TMEM132D: variants seen among roughly 807,000 people sequenced by gnomAD.
TMEM132D encodes the protein transmembrane protein 132D.
TMEM132D carries 21 observed loss-of-function variants against 62.3 expected under a neutral mutation model. The ratio of observed to expected loss-of-function variants is 0.34; its 90% CI spans 0.24 to 0.49. The LOEUF is 0.49. Among genes scored for constraint, TMEM132D ranks in the 20% least tolerant of loss-of-function variants. The probability of loss-of-function intolerance (pLI) is 0.99; values close to 1 mark genes in which losing one functional copy is unlikely to be tolerated. For synonymous variants in TMEM132D, 621 were observed against 575.6 expected, an observed-to-expected ratio of 1.08 and a Z score of -1.13; for missense variants, 1,346 against 1,402.8, an observed-to-expected ratio of 0.96 and a Z score of 0.65.
chr12:129,832,237 T>C (rs370831432), intron 1 of TMEM132D, among the ~76,000 whole-genome samples: 50 of 149,872 alleles, frequency 3.3e-4, no homozygotes, highest in African/African-American at 1.2e-3. Flanking sequence ...GGAAGAGATA[T>C]AGAATAACGG....
chr12:129,752,364 C>G (rs1870027709), intron 1 of TMEM132D, among the ~76,000 whole-genome samples: 1 of 152,146 alleles, frequency 6.6e-6, no homozygotes, highest in African/African-American at 2.4e-5. Context: ...CTATTCCTCT[C>G]TTTAACTCAG....
chr12:129,178,475 G>A lies in TMEM132D; in HGVS notation c.1443+31045C>T, dbSNP rs372239537. ...GTGACTTTTTAGTAATAGCCATTCT[G>A]ACTGATATGAGATGGTATCTCATTG... On this transcript the variant is annotated intron_variant, in intron 5 of 8. Coordinates refer to ENST00000422113, the MANE Select transcript of TMEM132D (RefSeq NM_133448.3). 2.8e-4 allele frequency among the ~76,000 whole-genome samples: 41 copies of A among 144,228 alleles called. 1 individual carries two copies. In the East Asian group the frequency reaches 7.9e-3, roughly 28 times the overall value. 94.6% of individuals were successfully genotyped at this position (144,228 alleles called of 152,430 possible).
At chr12:129,242,925 G>C (rs991338716) in intron 4 of TMEM132D, among the ~76,000 whole-genome samples, 1 of 90,734 alleles carries the variant, frequency 1.1e-5, no homozygotes, top group Non-Finnish European at 2.7e-5. Context: ...AGTCCAGTAA[G>C]AGAGGCAGTA....
At chr12:129,134,150 G>T (rs1876479102) in intron 5 of TMEM132D, among the ~76,000 whole-genome samples, 1 of 149,430 alleles carries the variant, frequency 6.7e-6, no homozygotes, top group African/African-American at 2.5e-5. Flanking sequence ...GTGTGTGTCT[G>T]TGTCTGTGTG....
intron 1 of TMEM132D, among the ~76,000 whole-genome samples, chr12:129,864,363 T>C (rs966886857): frequency 6.6e-5 from 10 of 152,306 alleles, no homozygotes; most frequent in Non-Finnish European, 1.5e-4. Context: ...TTCTCTCCTA[T>C]AGAAACAGCA....
At chr12:129,688,357 A>T (rs77952918) in intron 2 of TMEM132D, among the ~76,000 whole-genome samples, 3,336 of 152,250 alleles carry the variant, frequency 0.022, 172 homozygotes, top group South Asian at 0.12. Flanking sequence ...TGCACATAAG[A>T]ATCACTGCGA....
chr12:129,600,468 T>C (rs550947857), intron 2 of TMEM132D, among the ~76,000 whole-genome samples: 1 of 152,182 alleles, frequency 6.6e-6, no homozygotes, highest in Non-Finnish European at 1.5e-5. Context: ...GAATTGCCAA[T>C]GTTCTTCATG....
chr12:129,515,699 G>C (rs1875652751), intron 3 of TMEM132D, among the ~76,000 whole-genome samples: 1 of 152,076 alleles, frequency 6.6e-6, no homozygotes, highest in Non-Finnish European at 1.5e-5. Flanking sequence ...CTGAAGGCCA[G>C]GGGGAATCTA....
At chr12:129,565,794 T>C (rs1268819068) in intron 2 of TMEM132D, among the ~76,000 whole-genome samples, 1 of 152,228 alleles carries the variant, frequency 6.6e-6, no homozygotes, top group African/African-American at 2.4e-5. Flanking sequence ...GGTTTACTGA[T>C]TGGTCTCTTG....
intron 3 of TMEM132D, among the ~76,000 whole-genome samples, chr12:129,530,213 G>A (rs540623413): frequency 1.3e-5 from 2 of 152,246 alleles, no homozygotes; most frequent in East Asian, 3.9e-4. Context: ...TGAGCTCCCT[G>A]CTAGAATAAA....
At chr12:129,293,058 T>C (rs78995496) in intron 4 of TMEM132D, among the ~76,000 whole-genome samples, 19,411 of 152,168 alleles carry the variant, frequency 0.13, 1,478 homozygotes, top group South Asian at 0.22. Context: ...CCCAGGGATG[T>C]GGAGGGTATC....
chr12:129,527,017 A>G (rs996416472), intron 3 of TMEM132D, among the ~76,000 whole-genome samples: 3 of 152,208 alleles, frequency 2.0e-5, no homozygotes, highest in Admixed American at 2.0e-4. Flanking sequence ...TCAGAAAACA[A>G]TCTATTTAAG....
intron 5 of TMEM132D, among the ~76,000 whole-genome samples, chr12:129,173,376 C>A (rs1275945116): frequency 6.6e-6 from 1 of 152,168 alleles, no homozygotes; most frequent in African/African-American, 2.4e-5. Flanking sequence ...ATATTTCTTA[C>A]CTTGTACCTA....
intron 3 of TMEM132D, among the ~76,000 whole-genome samples, chr12:129,360,861 G>A (rs1870225586): frequency 6.6e-6 from 1 of 152,138 alleles, no homozygotes; most frequent in African/African-American, 2.4e-5. Flanking sequence ...CCCTGATGAC[G>A]AAGGTGGCTT....
At chr12:129,257,445 G>C (rs548701418) in intron 4 of TMEM132D, among the ~76,000 whole-genome samples, 1 of 152,184 alleles carries the variant, frequency 6.6e-6, no homozygotes, top group South Asian at 2.1e-4. Flanking sequence ...TCCTGACCTC[G>C]TGATCTGCCC....
chr12:129,653,236 GA>G (rs1879978248), intron 2 of TMEM132D, among the ~76,000 whole-genome samples: 1 of 152,110 alleles, frequency 6.6e-6, no homozygotes, highest in African/African-American at 2.4e-5. Context: ...ACAGGGAGGA[GA>G]ACGGCTCAAA....
At chr12:129,668,819 C>T (rs1210163350) in intron 2 of TMEM132D, among the ~76,000 whole-genome samples, 1 of 152,166 alleles carries the variant, frequency 6.6e-6, no homozygotes, top group East Asian at 1.9e-4. Context: ...TTTACCAAGG[C>T]TTTGACTGGA....
chr12:129,488,518 C>CA (rs1265749981), intron 3 of TMEM132D, among the ~76,000 whole-genome samples: 2 of 151,800 alleles, frequency 1.3e-5, no homozygotes, highest in Non-Finnish European at 1.5e-5. Flanking sequence ...ATTAAAAATA[C>CA]AAAAAAATAG....
At chr12:129,265,032 C>G (rs1366784130) in intron 4 of TMEM132D, among the ~76,000 whole-genome samples, 3 of 152,102 alleles carry the variant, frequency 2.0e-5, no homozygotes, top group African/African-American at 7.2e-5. Context: ...CTCATGTAAC[C>G]AAGGACCACC....
Sources: allele counts gnomAD v4.1 joint callset (sites outside exome capture counted in the v4.1 genomes callset), GRCh38; gene constraint gnomAD v4.1.1; transcripts MANE v1.5; gene names NCBI Gene and HGNC (gene_info 2026-07-23, HGNC 2026-07-21).